MMP16: variants seen among roughly 807,000 people sequenced by gnomAD.
MMP16 encodes matrix metallopeptidase 16.
Under a neutral mutation model 67.8 loss-of-function variants are expected in MMP16, and 12 were observed. The observed-to-expected ratio is 0.18, with a 90% CI of 0.11 to 0.29. MMP16 has a LOEUF of 0.29. Ranked by LOEUF, MMP16 falls within the 10% of genes least tolerant of loss-of-function variation. The pLI is 1.00. For missense variants in MMP16, 475 were observed against 765.7 expected (o/e 0.62, Z 4.48); for synonymous variants, 249 against 255.9 (o/e 0.97, Z 0.26).
chr8:88,318,442 G>C, intron 1 of MMP16, among the ~76,000 whole-genome samples: 1 of 152,044 alleles, frequency 6.6e-6, no homozygotes, highest in East Asian at 1.9e-4. Context: ...TGCTCAGGAT[G>C]GGTTAATATT....
rs1395949598 is a variant in MMP16, at chr8:88,120,517, A to G, written c.710-1656T>C. 2.0e-5 allele frequency among the ~76,000 whole-genome samples: 3 copies of G among 152,016 alleles called. No homozygotes were observed. In the East Asian group the frequency reaches 5.9e-4, roughly 30 times the overall value. On this transcript the variant is annotated intron_variant, in intron 4 of 9. Coordinates refer to ENST00000286614, the MANE Select transcript of MMP16 (RefSeq NM_005941.5). ...CGGAGCATGCCCACACCCAGAAAAC[A>G]TGGGTCAATTTTGGCTGGAGTATGC...
chr8:88,215,128 A>G (rs1162422592), intron 1 of MMP16, among the ~76,000 whole-genome samples: 1 of 152,144 alleles, frequency 6.6e-6, no homozygotes, highest in Non-Finnish European at 1.5e-5. Context: ...GTTCAAGAGC[A>G]GCCTGACCAA....
chr8:88,040,914 A>G lies in MMP16; in HGVS notation c.*547T>C, dbSNP rs1808121952. 1 of 152,802 alleles carries G rather than the reference A, an allele frequency of 6.5e-6. No homozygotes were observed. Among genetic ancestry groups the G allele is most frequent in the Non-Finnish European group, 1.5e-5 (1 of 68,230 alleles). The allele number at this position is 152,802 out of a possible 1,614,324, so 9.5% of individuals were successfully genotyped here. On this transcript the variant is annotated 3_prime_UTR_variant, in exon 10 of 10. Transcript: ENST00000286614. Reference sequence around the variant, plus strand: ...GACTATCCAAAGCAGTCAGAGAGCTATCTTCTTTGGAGACAAAGCTGTTTT... The same window carrying G: ...GACTATCCAAAGCAGTCAGAGAGCTGTCTTCTTTGGAGACAAAGCTGTTTT...
intron 3 of MMP16, among the ~76,000 whole-genome samples, chr8:88,186,142 T>C (rs916334313): frequency 6.6e-6 from 1 of 152,182 alleles, no homozygotes; most frequent in African/African-American, 2.4e-5. Flanking sequence ...AGCAGTTATT[T>C]ATATATTTTA....
At chr8:88,050,132 G>C (rs746559799) in intron 8 of MMP16, among the ~76,000 whole-genome samples, 2 of 152,186 alleles carry the variant, frequency 1.3e-5, no homozygotes, top group Non-Finnish European at 2.9e-5. Context: ...GACCAGCCTG[G>C]CCAACATGGC....
intron 1 of MMP16, among the ~76,000 whole-genome samples, chr8:88,209,904 A>G (rs779082672): frequency 2.6e-5 from 4 of 152,140 alleles, no homozygotes; most frequent in South Asian, 2.1e-4. Flanking sequence ...GTCAACATTC[A>G]TATGTTGAAA....
chr8:88,183,197 A>G (rs1472204154), intron 3 of MMP16, among the ~76,000 whole-genome samples: 2 of 152,198 alleles, frequency 1.3e-5, no homozygotes, highest in Admixed American at 6.5e-5. Context: ...TAAACTATCA[A>G]CTTAAGTGGT....
At chr8:88,156,852 T>C (rs1456832357) in intron 4 of MMP16, among the ~76,000 whole-genome samples, 1 of 152,114 alleles carries the variant, frequency 6.6e-6, no homozygotes, top group Non-Finnish European at 1.5e-5. Flanking sequence ...ACAGAGACTA[T>C]GTAAGAGAAG....
chr8:88,128,758 C>T (rs1255541568), intron 4 of MMP16, among the ~76,000 whole-genome samples: 1 of 151,714 alleles, frequency 6.6e-6, no homozygotes, highest in Non-Finnish European at 1.5e-5. Flanking sequence ...TTAGTAAAAC[C>T]AATCATGACT....
intron 7 of MMP16, among the ~76,000 whole-genome samples, chr8:88,072,916 A>G (rs1411618173): frequency 1.3e-5 from 2 of 152,150 alleles, no homozygotes; most frequent in South Asian, 2.1e-4. Flanking sequence ...TGAAAGATGA[A>G]AAGGAGCTAG....
At chr8:88,148,435 G>A (rs1423845544) in intron 4 of MMP16, among the ~76,000 whole-genome samples, 4 of 152,094 alleles carry the variant, frequency 2.6e-5, no homozygotes, top group African/African-American at 4.8e-5. Context: ...AAAATAGCTG[G>A]GTGCCTAAAT....
chr8:88,108,858 T>C (rs1809286508), intron 6 of MMP16, among the ~76,000 whole-genome samples: 1 of 151,446 alleles, frequency 6.6e-6, no homozygotes, highest in South Asian at 2.1e-4. Context: ...CATTTATCAA[T>C]TCTTTTAGAT....
At chr8:88,182,510 C>T (rs1320041887) in intron 3 of MMP16, among the ~76,000 whole-genome samples, 1 of 152,078 alleles carries the variant, frequency 6.6e-6, no homozygotes, top group African/African-American at 2.4e-5. Context: ...AAAAATATCA[C>T]TAACTCTTAT....
intron 3 of MMP16, among the ~76,000 whole-genome samples, chr8:88,182,906 G>C (rs1372734119): frequency 1.3e-5 from 2 of 152,012 alleles, no homozygotes; most frequent in East Asian, 1.9e-4. Flanking sequence ...TATGAAAAAT[G>C]TTAAGGAACC....
chr8:88,139,583 G>A (rs1306263377), intron 4 of MMP16, among the ~76,000 whole-genome samples: 1 of 152,102 alleles, frequency 6.6e-6, no homozygotes, highest in Non-Finnish European at 1.5e-5. Flanking sequence ...CATGGGAAAA[G>A]CAGGGATAAT....
chr8:88,223,963 T>C (rs1010776533), intron 1 of MMP16, among the ~76,000 whole-genome samples: 5 of 151,876 alleles, frequency 3.3e-5, no homozygotes, highest in Admixed American at 6.6e-5. Context: ...AGGAATGTGA[T>C]GAAGGATAGG....
At chr8:88,143,066 T>C (rs761402032) in intron 4 of MMP16, among the ~76,000 whole-genome samples, 65 of 152,116 alleles carry the variant, frequency 4.3e-4, no homozygotes, top group Non-Finnish European at 2.8e-4. Flanking sequence ...GAGCCCATTA[T>C]GTCAAATCTA....
chr8:88,042,612 A>C (rs532282440), intron 9 of MMP16, among the ~76,000 whole-genome samples: 15 of 152,322 alleles, frequency 9.8e-5, no homozygotes, highest in African/African-American at 3.6e-4. Flanking sequence ...AATACAACAT[A>C]AATCTACAAT....
Position 88,197,227 on chromosome 8 carries a change from G to C in MMP16, c.212C>G (p.Ser71Cys). The C allele has an allele frequency of 6.2e-7, 1 of 1,612,210 alleles. No homozygotes were observed. Among genetic ancestry groups the C allele is most frequent in the South Asian group, 1.1e-5 (1 of 90,780 alleles). Residue 71 changes from serine (S) to cysteine (C), a missense_variant, in exon 2 of 10, where the codon TCT (serine) becomes TGT (cysteine). Transcript: ENST00000286614. ...SVLRSAETMQ[S>C]ALAAMQQFYG... ...GAACTGCTGCATGGCAGCTAGGGCA[G>C]ACTGCATGGTCTCTGCAGAGCGCAG... is the stretch of plus-strand genomic sequence containing the variant.
Sources: allele counts gnomAD v4.1 joint callset (sites outside exome capture counted in the v4.1 genomes callset), GRCh38; gene constraint gnomAD v4.1.1; transcripts MANE v1.5; gene names NCBI Gene and HGNC (gene_info 2026-07-23, HGNC 2026-07-21).